CCNB2: variants seen among roughly 807,000 people sequenced by gnomAD.
CCNB2 encodes G2/mitotic-specific cyclin-B2.
A neutral mutation model predicts 51.1 loss-of-function variants in CCNB2; 39 were observed. That is an observed-to-expected ratio of 0.76 (90% CI 0.59 to 1.00). The LOEUF (loss-of-function observed/expected upper bound fraction) is 1.00. CCNB2 is among the 50% of genes least tolerant of loss of function. The pLI is 0.00. For synonymous variants in CCNB2, 174 were observed against 165.5 expected (o/e 1.05, Z -0.40); for missense variants, 472 against 470.3 (o/e 1.00, Z -0.03).
At position 59,107,554 on chromosome 15, in the gene CCNB2, T is replaced by A; in HGVS notation, c.154-3T>A. 6.2e-7 allele frequency: 1 copy of A among 1,614,152 alleles called. No individual in the cohort carries two copies. Among genetic ancestry groups the A allele is most frequent in the Non-Finnish European group, 8.5e-7 (1 of 1,180,000 alleles). On this transcript the variant is annotated splice_polypyrimidine_tract_variant and splice_region_variant and intron_variant, in intron 2 of 8. Coordinates refer to ENST00000288207, the MANE Select transcript of CCNB2 (RefSeq NM_004701.4). Reference sequence around the variant, plus strand: ...CGCTATTCATGTTTCTTTTTCCTTATAGAAAGCTCAGAACACCAAAGTTCC... The same window carrying A: ...CGCTATTCATGTTTCTTTTTCCTTAAAGAAAGCTCAGAACACCAAAGTTCC...
At position 59,117,204 on chromosome 15, in the gene CCNB2, C is replaced by T. The variant is rs777529737; in HGVS notation, c.835-24C>T. The T allele has an allele frequency of 1.6e-5, 25 of 1,606,786 alleles. No homozygotes were observed. The South Asian group carries it at 2.5e-4, about 16-fold the overall frequency. ...ACAGTAATTACACTTGTGATTCTTA[C>T]TATCCCTTGCTGTTCTTTCTTAGGT... is the stretch of plus-strand genomic sequence containing the variant. On this transcript the variant is annotated intron_variant, in intron 6 of 8. Transcript: ENST00000288207.
intron 3 of CCNB2, among the ~76,000 whole-genome samples, chr15:59,113,442 A>G (rs532758276): frequency 6.6e-6 from 1 of 152,354 alleles, no homozygotes; most frequent in Non-Finnish European, 1.5e-5. Flanking sequence ...GGCAAAACCA[A>G]TTAAATAAAC....
At chr15:59,107,699 T>G in intron 3 of CCNB2, 29 bp downstream of exon 3, 1 of 1,568,612 alleles carries the variant, frequency 6.4e-7, no homozygotes, top group Non-Finnish European at 8.8e-7. Flanking sequence ...ACAAACGTAT[T>G]TAATGAGGTA....
At position 59,123,430 on chromosome 15, in the gene CCNB2, A is replaced by C. The variant is rs561894957; in HGVS notation, c.976-87A>C. 40 of 742,356 alleles carry C rather than the reference A, an allele frequency of 5.4e-5. No individual in the cohort carries two copies. In the East Asian group the frequency reaches 1.0e-3, roughly 19 times the overall value. 46.0% of individuals were successfully genotyped at this position (742,356 alleles called of 1,614,324 possible). A position where few individuals can be genotyped will look rare whatever the true frequency, so the allele number is the denominator to read the frequency against. The stretch of plus-strand genomic sequence containing the variant: ...GTACAGCTTTTACATAAGTAATGTC[A>C]TCATGTACAAGATGTGTTCTTCTAA... On this transcript the variant is annotated intron_variant, in intron 7 of 8. Coordinates refer to ENST00000288207, the MANE Select transcript of CCNB2 (RefSeq NM_004701.4).
At chr15:59,121,802 C>T (rs1295509607) in intron 7 of CCNB2, among the ~76,000 whole-genome samples, 10 of 151,792 alleles carry the variant, frequency 6.6e-5, no homozygotes, top group Non-Finnish European at 1.5e-4. Flanking sequence ...CGTGGTGGCA[C>T]ATGCCTGTAG....
rs554757385 is a variant in CCNB2, at chr15:59,114,548, T to C, written c.372T>C (p.Asp124=). 11 of 1,613,684 alleles carry C rather than the reference T, an allele frequency of 6.8e-6. No homozygotes were observed. Among genetic ancestry groups the C allele is most frequent in the East Asian group, 2.2e-5 (1 of 44,884 alleles). The change falls in exon 4 of 9, where the codon GAT becomes GAC. Residue 124 remains aspartate, a synonymous_variant. Coordinates refer to ENST00000288207, the MANE Select transcript of CCNB2 (RefSeq NM_004701.4). ...AAATCGAGGACATTGATAACGAAGA[T>C]TGGGAGAACCCTCAGCTCTGCAGTG... The part of the protein sequence containing the change: ...LCKIEDIDNE[D]WENPQLCSDY...
intron 6 of CCNB2, 66 bp downstream of exon 6, chr15:59,116,992 A>C: frequency 7.6e-7 from 1 of 1,317,444 alleles, no homozygotes; most frequent in Non-Finnish European, 1.1e-6. Context: ...ACCTTGACCT[A>C]ATTTAAGGAA....
intron 4 of CCNB2, 37 bp downstream of exon 4, chr15:59,114,651 G>T: frequency 6.3e-7 from 1 of 1,587,384 alleles, no homozygotes; most frequent in Non-Finnish European, 8.6e-7. Context: ...TATAAGCAAT[G>T]TGGAATTTAC....
intron 7 of CCNB2, among the ~76,000 whole-genome samples, chr15:59,122,239 A>ATT (rs1330208146): frequency 5.1e-5 from 5 of 97,438 alleles, no homozygotes; most frequent in African/African-American, 1.6e-4. Context: ...CAGTTGACAT[A>ATT]TCTTTTTTTT....
intron 1 of CCNB2, among the ~76,000 whole-genome samples, chr15:59,106,876 A>G (rs753329296): frequency 2.6e-5 from 4 of 152,206 alleles, no homozygotes; most frequent in Admixed American, 6.5e-5. Flanking sequence ...AACCAGACCT[A>G]TTATTAACTA....
Position 59,109,904 on chromosome 15 carries a change from T to G in CCNB2, c.267+2234T>G, listed in dbSNP as rs1342033376. 2.0e-5 allele frequency among the ~76,000 whole-genome samples: 3 copies of G among 152,116 alleles called. No homozygotes were observed. In the South Asian group the frequency reaches 6.2e-4, roughly 32 times the overall value. ...GGGAGGCTGAGGCAGGAGAATGGCG[T>G]GAACCCTGGGGGCCGGAGCCTGCAG... On this transcript the variant is annotated intron_variant, in intron 3 of 8. Coordinates refer to ENST00000288207, the MANE Select transcript of CCNB2 (RefSeq NM_004701.4).
chr15:59,113,892 G>C (rs1452405323), intron 3 of CCNB2, among the ~76,000 whole-genome samples: 1 of 152,134 alleles, frequency 6.6e-6, no homozygotes, highest in African/African-American at 2.4e-5. Context: ...AGTAGAGATG[G>C]GGTTTTGCCA....
rs1372594385 is a variant in CCNB2 at position 59,123,574 on chromosome 15, C to G, written c.1033C>G (p.Gln345Glu). Residue 345 changes from glutamine to glutamate, a missense_variant, in exon 8 of 9, where the codon CAG becomes GAG. By Grantham distance (29) the Gln-to-Glu change is conservative (BLOSUM62 2). Transcript: ENST00000288207. ...AGAGAATGAAGTATTGGAAGTCATG[C>G]AGCACATGGCCAAGAATGTGGTGAA... ...YTENEVLEVMQHMAKNVVKVN... is the reference protein window; with the variant it reads ...YTENEVLEVMEHMAKNVVKVN... 1 of 1,612,814 alleles carries G rather than the reference C, an allele frequency of 6.2e-7. No individual in the cohort carries two copies. The highest frequency in any genetic ancestry group is 1.7e-5 in the Admixed American group (1 of 59,880).
chr15:59,123,444 G>A lies in CCNB2; in HGVS notation c.976-73G>A, dbSNP rs1596333489. On this transcript the variant is annotated intron_variant, in intron 7 of 8. Transcript: ENST00000288207. ...TAAGTAATGTCATCATGTACAAGAT[G>A]TGTTCTTCTAAAGAAGCAGAGGTTT... The A allele has an allele frequency of 1.1e-5, 9 of 814,134 alleles. No homozygotes were observed. In the East Asian group the frequency reaches 2.3e-4, roughly 21 times the overall value. The allele number at this position is 814,134 out of a possible 1,614,324, so 50.4% of individuals were successfully genotyped here.
intron 5 of CCNB2, among the ~76,000 whole-genome samples, chr15:59,116,444 G>A (rs1419388046): frequency 1.4e-5 from 2 of 146,526 alleles, no homozygotes; most frequent in Admixed American, 6.9e-5. Flanking sequence ...AATAAAATAT[G>A]CCTTTCCTAG....
intron 6 of CCNB2, 99 bp from the exon 7 acceptor site, chr15:59,117,129 G>A (rs2140289135): frequency 8.1e-7 from 1 of 1,231,094 alleles, no homozygotes; most frequent in Non-Finnish European, 1.2e-6. Flanking sequence ...AGAAGGATAA[G>A]TGAGTCAAGT....
intron 7 of CCNB2, among the ~76,000 whole-genome samples, chr15:59,122,266 T>TTTTTTTTTTTTTTTTA (rs2079305937): frequency 1.4e-5 from 2 of 140,558 alleles, no homozygotes; most frequent in Non-Finnish European, 3.0e-5. Flanking sequence ...TTTTTTTTTT[T>TTTTTTTTTTTTTTTTA]GAGACAGAGT....
Position 59,114,787 on chromosome 15 carries a change from G to T in CCNB2, c.508G>T (p.Val170Leu), listed in dbSNP as rs770327276. 13 of 1,614,176 alleles carry T rather than the reference G, an allele frequency of 8.1e-6. No individual in the cohort carries two copies. The highest frequency in any genetic ancestry group is 1.6e-4 in the Middle Eastern group (1 of 6,062). The part of the protein sequence containing the change: ...DINGRMRAIL[V>L]DWLVQVHSKF... ...AAATGGACGCATGCGTGCCATCCTA[G>T]TGGATTGGCTGGTACAAGTCCACTC... Residue 170 changes from valine to leucine, a missense_variant, in exon 5 of 9, where the codon GTG (valine) becomes TTG (leucine). Val to Leu is a conservative substitution (Grantham distance 32). Coordinates refer to ENST00000288207, the MANE Select transcript of CCNB2 (RefSeq NM_004701.4).
rs11548100 is a variant in CCNB2 at position 59,107,586 on chromosome 15, A to G, written c.183A>G (p.Gln61=). ...CTCAGAACACCAAAGTTCCAGTTCA[A>G]CCCACCAAAACAACAAATGTCAACA... ...KKAQNTKVPV[Q]PTKTTNVNKQ... Residue 61 remains glutamine, a synonymous_variant, in exon 3 of 9, where the codon CAA becomes CAG. Coordinates refer to ENST00000288207, the MANE Select transcript of CCNB2 (RefSeq NM_004701.4). The G allele has an allele frequency of 2.0e-5, 32 of 1,614,084 alleles. No homozygotes were observed. Among genetic ancestry groups the G allele is most frequent in the Admixed American group, 3.3e-5 (2 of 60,000 alleles).
Sources: allele counts gnomAD v4.1 joint callset (sites outside exome capture counted in the v4.1 genomes callset), GRCh38; gene constraint gnomAD v4.1.1; transcripts MANE v1.5; gene names NCBI Gene and HGNC (gene_info 2026-07-23, HGNC 2026-07-21).